Variants in LINGO3 observed in about 807,000 individuals in gnomAD.
LINGO3 encodes leucine rich repeat and Ig domain containing 3.
For missense variants in LINGO3, 750 were observed against 867.7 expected, an observed-to-expected ratio of 0.86 and a Z score of 1.70; for synonymous variants, 427 against 444.2, an observed-to-expected ratio of 0.96 and a Z score of 0.49.
the LINGO3 span, among the ~76,000 whole-genome samples, chr19:2,305,510 C>T: frequency 2.0e-4 from 30 of 152,254 alleles, no homozygotes; most frequent in South Asian, 5.4e-3. Context: ...GCTAAGCCCC[C>T]GGCCCTTCCA....
the LINGO3 span, among the ~76,000 whole-genome samples, chr19:2,297,602 CTTTTTT>C: frequency 7.6e-6 from 1 of 130,980 alleles, no homozygotes; most frequent in South Asian, 2.5e-4. Flanking sequence ...CGCACCCGGC[CTTTTTT>C]TTTTTTTTTT....
In LINGO3 at chr19:2,290,543, G is replaced by A. The variant is rs1223553788; in HGVS notation, c.1234C>T (p.Arg412Trp). 1.3e-6 allele frequency: 2 copies of A among 1,524,864 alleles called. No individual in the cohort carries two copies. Among genetic ancestry groups the A allele is most frequent in the East Asian group, 2.5e-5 (1 of 39,488 alleles). The allele number at this position is 1,524,864 out of a possible 1,614,324, so 94.5% of individuals were successfully genotyped here. A position where few individuals can be genotyped will look rare whatever the true frequency, so the allele number is the denominator to read the frequency against. The change falls in exon 1 of 1, where the codon CGG becomes TGG. Residue 412 changes from arginine to tryptophan, a missense_variant. Coordinates refer to ENST00000585527, the Ensembl canonical transcript of LINGO3. This position sits in a 1 kb window ranked among gnomAD's most constrained non-coding sequence, Gnocchi z 6.0. ...GTGGCCGTGACGCGCTGCAGCCGCC[G>A]CTCCCGGATCTTGGGTTTGCGGCAC...
the LINGO3 span, among the ~76,000 whole-genome samples, chr19:2,308,067 G>T: frequency 9.3e-5 from 14 of 150,038 alleles, no homozygotes; most frequent in Non-Finnish European, 1.6e-4. Flanking sequence ...CCCCGGCACG[G>T]CCACTCACCT....
In LINGO3 at chr19:2,290,864, G is replaced by C; in HGVS notation, c.913C>G (p.Leu305Val). ...GCCTGCGGCTCCACCACAGCCAGCA[G>C]GGCCCCGGCCAGGTGCAGCTCGCGC... The change falls in exon 1 of 1, where the codon CTG becomes GTG. Residue 305 changes from leucine (L) to valine (V), a missense_variant. Transcript: ENST00000585527. This position sits in a 1 kb window ranked among gnomAD's most constrained non-coding sequence, Gnocchi z 6.0. 1.2e-6 allele frequency: 2 copies of C among 1,611,654 alleles called. No homozygotes were observed. Among genetic ancestry groups the C allele is most frequent in the South Asian group, 2.2e-5 (2 of 90,992 alleles).
At chr19:2,292,779 C>A (rs1332182586), upstream of LINGO3, among the ~76,000 whole-genome samples, 6 of 152,038 alleles carry the variant, frequency 3.9e-5, no homozygotes, top group Non-Finnish European at 8.8e-5. Flanking sequence ...TGTGAGCCAC[C>A]GCGCCCACCC....
At chr19:2,300,051 G>C in the LINGO3 span, among the ~76,000 whole-genome samples, 1 of 111,592 alleles carries the variant, frequency 9.0e-6, no homozygotes, top group Non-Finnish European at 1.8e-5. Flanking sequence ...TTTTTATTGA[G>C]TCGGAGTCTC....
chr19:2,290,156 C>T lies in LINGO3; in HGVS notation c.1621G>A (p.Val541Met). The T allele has an allele frequency of 6.2e-7, 1 of 1,612,638 alleles. No individual in the cohort carries two copies. Among genetic ancestry groups the T allele is most frequent in the South Asian group, 1.1e-5 (1 of 91,062 alleles). The change falls in exon 1 of 1, where the codon GTG (valine) becomes ATG (methionine). Residue 541 changes from valine (V) to methionine (M), a missense_variant. Physicochemically the swap from Val to Met is conservative, Grantham distance 21 (BLOSUM62 1). Transcript: ENST00000585527. The surrounding 1 kb of genome is among the most constrained non-coding windows in gnomAD (Gnocchi z 6.0). ...AGCAGCACGAAGCAGAAGAGGACCA[C>T]GCCCAGGAAGGTGATGCAGCCCATG...
chr19:2,297,223 G>A, the LINGO3 span, among the ~76,000 whole-genome samples: 3 of 151,174 alleles, frequency 2.0e-5, no homozygotes, highest in Non-Finnish European at 2.9e-5. Context: ...TCCAGATACT[G>A]CAAAAGCTCT....
upstream of LINGO3, among the ~76,000 whole-genome samples, chr19:2,292,829 C>T (rs1254263488): frequency 2.0e-5 from 3 of 152,102 alleles, no homozygotes; most frequent in South Asian, 4.2e-4. Flanking sequence ...GAACACACAG[C>T]GCACGGAAAA....
the LINGO3 span, among the ~76,000 whole-genome samples, chr19:2,301,229 T>G: frequency 6.6e-6 from 1 of 151,882 alleles, no homozygotes; most frequent in East Asian, 1.9e-4. Context: ...TTGATCCTGG[T>G]GTCTGGTGTG....
the LINGO3 span, among the ~76,000 whole-genome samples, chr19:2,300,225 T>TAAAA: frequency 4.0e-5 from 6 of 151,470 alleles, no homozygotes; most frequent in African/African-American, 1.5e-4. Context: ...AGAGACGGGG[T>TAAAA]TTCACCTTGT....
the LINGO3 span, among the ~76,000 whole-genome samples, chr19:2,302,126 A>G: frequency 7.2e-6 from 1 of 139,128 alleles, no homozygotes; most frequent in African/African-American, 2.7e-5. Flanking sequence ...CAATGGTTCA[A>G]TCTAGGCTCA....
the LINGO3 span, among the ~76,000 whole-genome samples, chr19:2,299,125 C>A: frequency 6.6e-6 from 1 of 152,174 alleles, no homozygotes. Context: ...TGATCCCTCG[C>A]GCCCAGCAGG....
chr19:2,295,773 C>A (rs1283948836), upstream of LINGO3, among the ~76,000 whole-genome samples: 1 of 152,030 alleles, frequency 6.6e-6, no homozygotes, highest in African/African-American at 2.4e-5. Flanking sequence ...AAACGCCAAA[C>A]TGAATTCTGG....
the LINGO3 span, among the ~76,000 whole-genome samples, chr19:2,300,833 G>T: frequency 6.6e-6 from 1 of 152,182 alleles, no homozygotes; most frequent in Non-Finnish European, 1.5e-5. Context: ...ACTGGAGTAG[G>T]GGGAGGATCA....
chr19:2,290,751 G>A lies in LINGO3; in HGVS notation c.1026C>T (p.Asn342=), dbSNP rs1194893073. The change falls in exon 1 of 1, where the codon AAC becomes AAT. Residue 342 remains asparagine, a synonymous_variant. Coordinates refer to ENST00000585527, the Ensembl canonical transcript of LINGO3. This position sits in a 1 kb window ranked among gnomAD's most constrained non-coding sequence, Gnocchi z 6.0. ...CGTCCACGCGCAGCGTCTCTAGCGT[G>A]TTCACCGAGTGGAAGGTGCTCTCCT... The A allele has an allele frequency of 1.2e-6, 2 of 1,612,908 alleles. No homozygotes were observed. The highest frequency in any genetic ancestry group is 1.3e-5 in the African/African-American group (1 of 75,054).
At chr19:2,302,617 C>A in the LINGO3 span, among the ~76,000 whole-genome samples, 1 of 152,180 alleles carries the variant, frequency 6.6e-6, no homozygotes, top group Non-Finnish European at 1.5e-5. Context: ...CCTGCAGGGC[C>A]CCTCGCTCTG....
downstream of LINGO3, among the ~76,000 whole-genome samples, chr19:2,288,848 G>T (rs2025488866): frequency 6.6e-6 from 1 of 152,204 alleles, no homozygotes; most frequent in Middle Eastern, 3.4e-3. This position sits in a 1 kb window ranked among gnomAD's most constrained non-coding sequence, Gnocchi z 6.5. Flanking sequence ...CGTTGTGCCT[G>T]TCCCAGGTGT....
chr19:2,302,673 G>T, the LINGO3 span, among the ~76,000 whole-genome samples: 1 of 152,252 alleles, frequency 6.6e-6, no homozygotes, highest in South Asian at 2.1e-4. Context: ...GGAGTCTGGG[G>T]GAGCGCGGCG....
Sources: allele counts gnomAD v4.1 joint callset (sites outside exome capture counted in the v4.1 genomes callset), GRCh38; gene constraint gnomAD v4.1.1; non-coding constraint Gnocchi (gnomAD v3.1); transcripts MANE v1.5; gene names NCBI Gene and HGNC (gene_info 2026-07-23, HGNC 2026-07-21).